SMIM13: variants seen among roughly 807,000 people sequenced by gnomAD.
SMIM13 encodes small integral membrane protein 13.
In SMIM13, 3 loss-of-function variants were observed where a neutral mutation model predicts 5.9. The observed-to-expected ratio is 0.51, with a 90% CI of 0.23 to 1.31. The LOEUF (loss-of-function observed/expected upper bound fraction) is 1.31. Among genes scored for constraint, SMIM13 ranks in the 40% most tolerant of loss-of-function variants. The probability of loss-of-function intolerance (pLI) is 0.18; values close to 1 mark genes in which losing one functional copy is unlikely to be tolerated. For synonymous variants in SMIM13, 55 were observed against 46.0 expected, an observed-to-expected ratio of 1.19 and a Z score of -0.79; for missense variants, 85 against 109.9, an observed-to-expected ratio of 0.77 and a Z score of 1.01.
chr6:11,103,505 GTCT>G, intron 1 of SMIM13: 6 of 818,932 alleles, frequency 7.3e-6, no homozygotes, highest in South Asian at 2.8e-5. Flanking sequence ...ACGAAGGTCA[GTCT>G]TCTTTAACTG....
intron 1 of SMIM13, among the ~76,000 whole-genome samples, chr6:11,107,021 C>A (rs760755620): frequency 6.6e-6 from 1 of 152,140 alleles, no homozygotes; most frequent in African/African-American, 2.4e-5. Context: ...CAGAGGTCCC[C>A]GGGGACAGAG....
chr6:11,110,676 G>A (rs932158789), intron 1 of SMIM13, among the ~76,000 whole-genome samples: 1 of 152,226 alleles, frequency 6.6e-6, no homozygotes, highest in Non-Finnish European at 1.5e-5. Context: ...ACAGGAGAAA[G>A]CGGGAGGAAG....
intron 1 of SMIM13, among the ~76,000 whole-genome samples, chr6:11,126,292 C>T (rs1421124066): frequency 1.3e-5 from 2 of 152,198 alleles, no homozygotes; most frequent in Non-Finnish European, 2.9e-5. Context: ...TCGTGATCTG[C>T]CTGCCTCGGC....
intron 1 of SMIM13, among the ~76,000 whole-genome samples, chr6:11,124,064 A>G (rs1380094559): frequency 6.6e-6 from 1 of 152,056 alleles, no homozygotes; most frequent in Admixed American, 6.6e-5. Context: ...GTTGACTGTA[A>G]TCACCCTGAT....
At chr6:11,116,408 C>T (rs990262638) in intron 1 of SMIM13, among the ~76,000 whole-genome samples, 4 of 152,186 alleles carry the variant, frequency 2.6e-5, no homozygotes, top group African/African-American at 4.8e-5. Flanking sequence ...AAAGGATTGA[C>T]TCATTGGGAT....
At chr6:11,124,771 A>T (rs890597643) in intron 1 of SMIM13, among the ~76,000 whole-genome samples, 2 of 152,156 alleles carry the variant, frequency 1.3e-5, no homozygotes, top group Non-Finnish European at 2.9e-5. Context: ...ATGATCAGTG[A>T]TGTTGAGCAC....
intron 1 of SMIM13, among the ~76,000 whole-genome samples, chr6:11,105,878 A>G (rs1448925374): frequency 1.3e-5 from 2 of 152,182 alleles, no homozygotes; most frequent in Non-Finnish European, 2.9e-5. Context: ...ATGACAGAAT[A>G]TAGGAATGGC....
At chr6:11,125,013 C>T (rs1222738287) in intron 1 of SMIM13, among the ~76,000 whole-genome samples, 2 of 152,218 alleles carry the variant, frequency 1.3e-5, no homozygotes, top group African/African-American at 4.8e-5. Flanking sequence ...CGTGGTGGCT[C>T]ACGCCTGTAA....
In SMIM13 at chr6:11,135,373, A is replaced by G. The variant is rs776689389; in HGVS notation, c.*771A>G. 4 of 152,644 alleles carry G rather than the reference A, an allele frequency of 2.6e-5. No homozygotes were observed. Among genetic ancestry groups the G allele is most frequent in the Non-Finnish European group, 5.9e-5 (4 of 68,038 alleles). 9.5% of individuals were successfully genotyped at this position (152,644 alleles called of 1,614,324 possible). On this transcript the variant is annotated 3_prime_UTR_variant, in exon 2 of 2. Coordinates refer to ENST00000416247, the MANE Select transcript of SMIM13 (RefSeq NM_001135575.2). Reference sequence around the variant, plus strand: ...TGAGACACGTGCAAAAGGATTGCCTATCACACGCCAAGCAATGCAATTGAA... The same window carrying G: ...TGAGACACGTGCAAAAGGATTGCCTGTCACACGCCAAGCAATGCAATTGAA...
At chr6:11,115,729 G>T (rs1320755189) in intron 1 of SMIM13, among the ~76,000 whole-genome samples, 60 of 149,094 alleles carry the variant, frequency 4.0e-4, no homozygotes, top group Admixed American at 9.4e-4. Flanking sequence ...TTGTTGCCCG[G>T]GCTGGGGTGC....
intron 1 of SMIM13, among the ~76,000 whole-genome samples, chr6:11,101,463 C>T (rs575748347): frequency 6.6e-6 from 1 of 152,218 alleles, no homozygotes; most frequent in South Asian, 2.1e-4. Flanking sequence ...TCTCGCAATA[C>T]CAGGTTGCAG....
In SMIM13 at chr6:11,094,246, GCGC is replaced by G; in HGVS notation, c.-60_-58del. 1 of 977,542 alleles carries G rather than the reference GCGC, an allele frequency of 1.0e-6. No individual in the cohort carries two copies. Among genetic ancestry groups the G allele is most frequent in the African/African-American group, 1.7e-5 (1 of 58,036 alleles). 60.6% of individuals were successfully genotyped at this position (977,542 alleles called of 1,614,324 possible). A position where few individuals can be genotyped will look rare whatever the true frequency, so the allele number is the denominator to read the frequency against. ...GGCGCCCGCCGCTGAAGCGCAGGACGCGCCGCCGCCCGCGCTCACCGCCGTCCG... is the reference window on the plus strand; with the variant it reads ...GGCGCCCGCCGCTGAAGCGCAGGACGCGCCGCCCGCGCTCACCGCCGTCCG... On this transcript the variant is annotated 5_prime_UTR_variant, in exon 1 of 2. Transcript: ENST00000416247.
chr6:11,127,243 C>T (rs1234204292), intron 1 of SMIM13, among the ~76,000 whole-genome samples: 1 of 152,192 alleles, frequency 6.6e-6, no homozygotes, highest in African/African-American at 2.4e-5. Context: ...TCTCCCCTAG[C>T]TGTCTGGGAG....
At chr6:11,115,946 C>T (rs1460911032) in intron 1 of SMIM13, among the ~76,000 whole-genome samples, 1 of 151,498 alleles carries the variant, frequency 6.6e-6, no homozygotes, top group East Asian at 1.9e-4. Flanking sequence ...TTCGGCCTCC[C>T]AAAGTGCTGG....
At chr6:11,117,438 G>C (rs1758256913) in intron 1 of SMIM13, among the ~76,000 whole-genome samples, 1 of 151,594 alleles carries the variant, frequency 6.6e-6, no homozygotes, top group African/African-American at 2.4e-5. Context: ...GCCTCCCAAG[G>C]TGTTGAGATT....
intron 1 of SMIM13, among the ~76,000 whole-genome samples, chr6:11,115,990 C>G (rs1177360152): frequency 1.4e-5 from 2 of 146,776 alleles, no homozygotes; most frequent in Non-Finnish European, 3.0e-5. Flanking sequence ...CCCTGCCGGC[C>G]GGCCTTCCTT....
chr6:11,129,971 T>C (rs767308261), intron 1 of SMIM13, among the ~76,000 whole-genome samples: 4 of 152,298 alleles, frequency 2.6e-5, no homozygotes, highest in Middle Eastern at 3.4e-3. Flanking sequence ...CTGGCATTTT[T>C]AGTCTCATCC....
At chr6:11,133,561 T>C (rs990495205) in intron 1 of SMIM13, among the ~76,000 whole-genome samples, 1 of 152,192 alleles carries the variant, frequency 6.6e-6, no homozygotes, top group Non-Finnish European at 1.5e-5. Flanking sequence ...AGAAAACACG[T>C]AAGCATGAAA....
intron 1 of SMIM13, chr6:11,105,031 AAAG>A (rs773979486): frequency 1.2e-6 from 2 of 1,614,192 alleles, no homozygotes; most frequent in East Asian, 2.2e-5. Context: ...TTTACTGTTG[AAAG>A]AAGACTATTT....
Sources: allele counts gnomAD v4.1 joint callset (sites outside exome capture counted in the v4.1 genomes callset), GRCh38; gene constraint gnomAD v4.1.1; transcripts MANE v1.5; gene names NCBI Gene and HGNC (gene_info 2026-07-23, HGNC 2026-07-21).